SEPTIN14: variants seen among roughly 807,000 people sequenced by gnomAD.
SEPTIN14 encodes septin-14.
In SEPTIN14, 40 loss-of-function variants were observed where a neutral mutation model predicts 53.6. That is an observed-to-expected ratio of 0.75 (90% CI 0.58 to 0.97). The LOEUF (loss-of-function observed/expected upper bound fraction) is 0.97, where lower values mean the gene tolerates loss of function less well. Ranked by LOEUF, SEPTIN14 falls within the 50% of genes least tolerant of loss-of-function variation. The pLI is 0.00. For synonymous variants in SEPTIN14, 138 were observed against 166.8 expected (o/e 0.83, Z 1.33); for missense variants, 471 against 508.2 (o/e 0.93, Z 0.70).
At chr7:55,843,617 A>T (rs1789353308) in intron 4 of SEPTIN14, among the ~76,000 whole-genome samples, 1 of 151,998 alleles carries the variant, frequency 6.6e-6, no homozygotes, top group Non-Finnish European at 1.5e-5. Flanking sequence ...GTGGATCACG[A>T]GGTCAGGAGT....
At position 55,793,824 on chromosome 7, in the gene SEPTIN14, T is replaced by C. The variant is rs1308718401; in HGVS notation, c.*2089A>G. 2.6e-5 allele frequency: 4 copies of C among 151,954 alleles called. No homozygotes were observed. Among genetic ancestry groups the C allele is most frequent in the Admixed American group, 2.0e-4 (3 of 15,242 alleles). The allele number at this position is 151,954 out of a possible 1,614,324, so 9.4% of individuals were successfully genotyped here. Reference sequence around the variant, plus strand: ...GAATATACACAAAAGGAAATGAGAATAGAAACAAAACTTGTCACTACAAAA... The same window carrying C: ...GAATATACACAAAAGGAAATGAGAACAGAAACAAAACTTGTCACTACAAAA... On this transcript the variant is annotated 3_prime_UTR_variant, in exon 10 of 10. Coordinates refer to ENST00000388975, the MANE Select transcript of SEPTIN14 (RefSeq NM_207366.3).
At chr7:55,826,403 A>G (rs1471843382) in intron 6 of SEPTIN14, among the ~76,000 whole-genome samples, 1 of 152,224 alleles carries the variant, frequency 6.6e-6, no homozygotes, top group Non-Finnish European at 1.5e-5. Flanking sequence ...TGGATTTCTC[A>G]AAAGAATCTT....
chr7:55,849,718 C>G (rs565716290), intron 2 of SEPTIN14, among the ~76,000 whole-genome samples: 39 of 152,228 alleles, frequency 2.6e-4, no homozygotes, highest in African/African-American at 8.9e-4. Flanking sequence ...TGCACTCCAG[C>G]CTGGGCAACA....
intron 7 of SEPTIN14, among the ~76,000 whole-genome samples, chr7:55,816,611 A>G (rs890839550): frequency 6.6e-6 from 1 of 151,818 alleles, no homozygotes; most frequent in African/African-American, 2.4e-5. Flanking sequence ...ATCCTGACCA[A>G]CAAGCCAAAA....
At chr7:55,832,666 C>G (rs913539163) in intron 6 of SEPTIN14, among the ~76,000 whole-genome samples, 5 of 152,140 alleles carry the variant, frequency 3.3e-5, no homozygotes, top group African/African-American at 1.2e-4. Flanking sequence ...TCAAATACCA[C>G]ATGTTCTCAT....
intron 2 of SEPTIN14, among the ~76,000 whole-genome samples, chr7:55,854,585 A>G (rs866921365): frequency 6.6e-6 from 1 of 151,648 alleles, no homozygotes; most frequent in African/African-American, 2.4e-5. Context: ...ACCCGCCACC[A>G]CGCCCGGCTA....
intron 5 of SEPTIN14, among the ~76,000 whole-genome samples, chr7:55,838,720 C>T (rs1789252846): frequency 6.6e-6 from 1 of 151,784 alleles, no homozygotes; most frequent in Non-Finnish European, 1.5e-5. Context: ...GCTAATTTTT[C>T]TATTTTTTTG....
chr7:55,831,538 GA>G (rs1789109027), intron 6 of SEPTIN14, among the ~76,000 whole-genome samples: 1 of 151,988 alleles, frequency 6.6e-6, no homozygotes, highest in Admixed American at 6.6e-5. Context: ...GAAAATTTAG[GA>G]AAAACTCTTC....
intron 5 of SEPTIN14, among the ~76,000 whole-genome samples, chr7:55,837,281 A>AT (rs1195106269): frequency 2.0e-5 from 3 of 151,556 alleles, no homozygotes; most frequent in South Asian, 2.1e-4. Context: ...ATGCCTGGCT[A>AT]TTTTTTTGTA....
intron 7 of SEPTIN14, chr7:55,811,193 C>G (rs1365859341): frequency 2.0e-6 from 1 of 508,962 alleles, no homozygotes; most frequent in Non-Finnish European, 3.9e-6. Flanking sequence ...AGTAGTTGAG[C>G]CATTCATGCC....
intron 5 of SEPTIN14, among the ~76,000 whole-genome samples, chr7:55,840,430 A>G (rs1789288661): frequency 1.3e-5 from 2 of 152,028 alleles, no homozygotes; most frequent in Non-Finnish European, 2.9e-5. Flanking sequence ...CAGAGGCTAC[A>G]GTGAGCTGAG....
chr7:55,861,673 A>G (rs1386344152), intron 2 of SEPTIN14, among the ~76,000 whole-genome samples: 1 of 152,236 alleles, frequency 6.6e-6, no homozygotes, highest in African/African-American at 2.4e-5. Flanking sequence ...TGGGCGATTC[A>G]GAAGTTTTAC....
intron 2 of SEPTIN14, among the ~76,000 whole-genome samples, chr7:55,849,961 G>C (rs192538021): frequency 5.3e-5 from 8 of 152,014 alleles, no homozygotes; most frequent in African/African-American, 1.9e-4. Context: ...TTATAAAAAT[G>C]ACACAATGGG....
chr7:55,849,478 G>A (rs758361580), intron 2 of SEPTIN14, among the ~76,000 whole-genome samples: 4 of 152,102 alleles, frequency 2.6e-5, no homozygotes, highest in Non-Finnish European at 4.4e-5. Flanking sequence ...AGGCATGGTG[G>A]CTCATGCCTG....
intron 6 of SEPTIN14, among the ~76,000 whole-genome samples, chr7:55,821,419 T>C (rs1788894410): frequency 6.6e-6 from 1 of 152,102 alleles, no homozygotes; most frequent in South Asian, 2.1e-4. Flanking sequence ...AGATTTTACC[T>C]TGGAGGAGAA....
intron 6 of SEPTIN14, among the ~76,000 whole-genome samples, chr7:55,829,944 C>T (rs1352520334): frequency 5.3e-5 from 8 of 151,360 alleles, no homozygotes; most frequent in South Asian, 2.1e-4. Context: ...TTTGGGAGGC[C>T]GAGGCGGGCG....
intron 6 of SEPTIN14, among the ~76,000 whole-genome samples, chr7:55,827,372 A>G (rs529409271): frequency 1.3e-5 from 2 of 152,340 alleles, no homozygotes; most frequent in African/African-American, 4.8e-5. Context: ...GAAGAGCCAC[A>G]AGACAGGCAT....
Position 55,807,076 on chromosome 7 carries a change from A to T in SEPTIN14, c.986+14T>A. ...AATTATCCATTTGGTTGTGCTAGCA[A>T]TATTTTTACTCACCTAACTGGCTGG... On this transcript the variant is annotated intron_variant, in intron 8 of 9. Coordinates refer to ENST00000388975, the MANE Select transcript of SEPTIN14 (RefSeq NM_207366.3). 2 of 1,562,050 alleles carry T rather than the reference A, an allele frequency of 1.3e-6. No individual in the cohort carries two copies. Among genetic ancestry groups the T allele is most frequent in the Non-Finnish European group, 1.7e-6 (2 of 1,161,306 alleles).
chr7:55,807,752 A>T (rs1394320022), intron 7 of SEPTIN14, among the ~76,000 whole-genome samples: 4 of 152,186 alleles, frequency 2.6e-5, no homozygotes, highest in Admixed American at 6.5e-5. Context: ...TTCAAAATCA[A>T]TCAACAAATT....
Sources: allele counts gnomAD v4.1 joint callset (sites outside exome capture counted in the v4.1 genomes callset), GRCh38; gene constraint gnomAD v4.1.1; transcripts MANE v1.5; gene names NCBI Gene and HGNC (gene_info 2026-07-23, HGNC 2026-07-21).